LIMCH1: variants seen among roughly 807,000 people sequenced by gnomAD.
LIMCH1 encodes the protein LIM and calponin homology domains-containing protein 1.
A neutral mutation model predicts 176.5 loss-of-function variants in LIMCH1; 113 were observed. The observed-to-expected ratio is 0.64, with a 90% CI of 0.55 to 0.75. The LOEUF (loss-of-function observed/expected upper bound fraction) is 0.75, where lower values mean the gene tolerates loss of function less well. Ranked by LOEUF, LIMCH1 falls within the 30% of genes least tolerant of loss-of-function variation. The pLI is 0.00. For synonymous variants in LIMCH1, 619 were observed against 645.9 expected, an observed-to-expected ratio of 0.96 and a Z score of 0.63; for missense variants, 1,674 against 1,814.9, an observed-to-expected ratio of 0.92 and a Z score of 1.41.
At chr4:41,598,114 A>G (rs1474215367) in intron 1 of LIMCH1, among the ~76,000 whole-genome samples, 1 of 152,192 alleles carries the variant, frequency 6.6e-6, no homozygotes, top group African/African-American at 2.4e-5. Context: ...TAGGAAGAGA[A>G]CAGTTAGAGA....
At chr4:41,362,423 A>G (rs189078804) in intron 1 of LIMCH1, among the ~76,000 whole-genome samples, 9 of 152,284 alleles carry the variant, frequency 5.9e-5, no homozygotes, top group Admixed American at 5.9e-4. Context: ...CCCAGGATAC[A>G]CAGGAAGCAT....
chr4:41,581,329 C>T (rs2085393801), intron 1 of LIMCH1, among the ~76,000 whole-genome samples: 1 of 152,146 alleles, frequency 6.6e-6, no homozygotes, highest in African/African-American at 2.4e-5. Context: ...GATCTACTCT[C>T]CTAGCAAATT....
intron 2 of LIMCH1, among the ~76,000 whole-genome samples, chr4:41,509,037 A>G (rs1312079067): frequency 2.6e-5 from 4 of 152,206 alleles, no homozygotes; most frequent in Admixed American, 6.5e-5. Flanking sequence ...GTATGACCCA[A>G]TGGCTGATTA....
Position 41,697,589 on chromosome 4 carries a change from A to T in LIMCH1, c.*404A>T. 5.7e-6 allele frequency: 1 copy of T among 175,634 alleles called. No individual in the cohort carries two copies. The allele number at this position is 175,634 out of a possible 1,614,324, so 10.9% of individuals were successfully genotyped here. A position where few individuals can be genotyped will look rare whatever the true frequency, so the allele number is the denominator to read the frequency against. On this transcript the variant is annotated 3_prime_UTR_variant, in exon 32 of 32. Coordinates refer to ENST00000503057, the MANE Select transcript of LIMCH1 (RefSeq NM_001330672.2). ...TTATGTTTACAGAATTGAGCTGCAG[A>T]AAGTGCAAGACATGCCAATTTGAGA...
chr4:41,670,696 T>C, intron 21 of LIMCH1: 1 of 1,514,326 alleles, frequency 6.6e-7, no homozygotes. Flanking sequence ...TTCTGTTTGT[T>C]CTGTTCTGCC....
intron 3 of LIMCH1, among the ~76,000 whole-genome samples, chr4:41,531,663 A>T (rs1393364860): frequency 6.6e-6 from 1 of 152,074 alleles, no homozygotes; most frequent in South Asian, 2.1e-4. Flanking sequence ...TCCAGTGCAA[A>T]TCAATCCAGC....
chr4:41,389,026 T>G (rs2056873048), intron 1 of LIMCH1: 1 of 152,246 alleles, frequency 6.6e-6, no homozygotes, highest in African/African-American at 2.4e-5. Context: ...TCTATAGTAC[T>G]TTTGTGTTTT....
rs141473144 is a variant in LIMCH1 at position 41,489,750 on chromosome 4, GA to G, written c.97-4780del. 7.5e-3 allele frequency among the ~76,000 whole-genome samples: 1,144 copies of G among 151,760 alleles called. 23 individuals are homozygous for G. The highest frequency in any genetic ancestry group is 0.026 in the African/African-American group (1,085 of 41,362). On this transcript the variant is annotated intron_variant, in intron 1 of 26. Transcript: ENST00000313860. Reference sequence around the variant, plus strand: ...TCTAGTGAGAGTTACATGGGCACTTGAAAAAATATATATATAGTTGACCCTT... The same window carrying G: ...TCTAGTGAGAGTTACATGGGCACTTGAAAAATATATATATAGTTGACCCTT...
chr4:41,494,075 A>C (rs1487958851), intron 1 of LIMCH1, among the ~76,000 whole-genome samples: 3 of 152,068 alleles, frequency 2.0e-5, no homozygotes, highest in Non-Finnish European at 4.4e-5. Flanking sequence ...TGTGGCCTTG[A>C]CTTATTGTGC....
chr4:41,646,283 G>T lies in LIMCH1; in HGVS notation c.2411+3G>T. 1 of 1,602,280 alleles carries T rather than the reference G, an allele frequency of 6.2e-7. No individual in the cohort carries two copies. The highest frequency in any genetic ancestry group is 1.1e-5 in the South Asian group (1 of 87,728). Reference sequence around the variant, plus strand: ...TACAGAGAAATTGTTCAAGAAAAGTGAGTTCTTTCTGTTGTCGTTTTTAAT... The same window carrying T: ...TACAGAGAAATTGTTCAAGAAAAGTTAGTTCTTTCTGTTGTCGTTTTTAAT... On this transcript the variant is annotated splice_donor_region_variant and intron_variant, in intron 16 of 31. Coordinates refer to ENST00000503057, the MANE Select transcript of LIMCH1 (RefSeq NM_001330672.2).
In LIMCH1 at chr4:41,633,609, A is replaced by ATGT; in HGVS notation, c.1891_1892insTGT (p.Thr631delinsMetSer). On this transcript the variant is annotated protein_altering_variant, in exon 13 of 32. Transcript: ENST00000503057. ...GACAGAAGAGAAGTTGGAGAAGATGACAGCTCCTGCCTGGAGTGGCAGTGG... is the reference window on the plus strand; with the variant it reads ...GACAGAAGAGAAGTTGGAGAAGATGATGTCAGCTCCTGCCTGGAGTGGCAGTGG... 4.6e-6 allele frequency: 7 copies of ATGT among 1,536,116 alleles called. No individual in the cohort carries two copies. Among genetic ancestry groups the ATGT allele is most frequent in the Non-Finnish European group, 6.1e-6 (7 of 1,146,898 alleles).
chr4:41,612,109 C>A (rs901800251), intron 4 of LIMCH1, among the ~76,000 whole-genome samples: 7 of 152,170 alleles, frequency 4.6e-5, no homozygotes, highest in Non-Finnish European at 8.8e-5. Flanking sequence ...TCCTCTCCGT[C>A]CTGCCCTTGT....
chr4:41,539,343 C>A (rs1268062285), intron 1 of LIMCH1, among the ~76,000 whole-genome samples: 3 of 152,196 alleles, frequency 2.0e-5, no homozygotes, highest in African/African-American at 7.2e-5. Context: ...TCCTGTGCTG[C>A]GCGGGTGGGT....
Position 41,620,269 on chromosome 4 carries a change from G to A in LIMCH1, c.459-155G>A, listed in dbSNP as rs1267486664. On this transcript the variant is annotated intron_variant, in intron 6 of 31. Coordinates refer to ENST00000503057, the MANE Select transcript of LIMCH1 (RefSeq NM_001330672.2). ...GATGCATTGTATGAATTAAATGGCT[G>A]CGTTGAATTTTCTTCACATTATCAG... 3.8e-5 allele frequency: 27 copies of A among 718,360 alleles called. 1 individual carries two copies. The highest frequency in any genetic ancestry group is 3.2e-5 in the Admixed American group (1 of 31,192). 44.5% of individuals were successfully genotyped at this position (718,360 alleles called of 1,614,324 possible). A position where few individuals can be genotyped will look rare whatever the true frequency, so the allele number is the denominator to read the frequency against.
intron 1 of LIMCH1, among the ~76,000 whole-genome samples, chr4:41,409,198 T>C (rs1561276592): frequency 6.6e-6 from 1 of 152,202 alleles, no homozygotes. Flanking sequence ...TCATGCCAAA[T>C]TTAAAAAATA....
chr4:41,523,457 T>C (rs1343442556), intron 2 of LIMCH1, among the ~76,000 whole-genome samples: 2 of 152,226 alleles, frequency 1.3e-5, no homozygotes, highest in Non-Finnish European at 2.9e-5. Flanking sequence ...TCATGGATTG[T>C]AGTTTGTTGA....
chr4:41,541,901 T>C (rs1291889031), intron 1 of LIMCH1, among the ~76,000 whole-genome samples: 1 of 152,180 alleles, frequency 6.6e-6, no homozygotes, highest in African/African-American at 2.4e-5. Context: ...GCCCTTTCCC[T>C]GCAAATACCA....
At chr4:41,567,728 T>C (rs2082958794) in intron 1 of LIMCH1, among the ~76,000 whole-genome samples, 2 of 152,244 alleles carry the variant, frequency 1.3e-5, no homozygotes, top group South Asian at 4.1e-4. Flanking sequence ...CCAGGTCTTT[T>C]TGTGTTTATC....
At chr4:41,397,559 T>A (rs1001838086) in intron 1 of LIMCH1, among the ~76,000 whole-genome samples, 15 of 152,216 alleles carry the variant, frequency 9.9e-5, no homozygotes, top group African/African-American at 3.6e-4. Context: ...GACATTAAGT[T>A]GCCCTTGTTA....
Sources: gnomAD v4.1 joint callset for allele counts (sites outside exome capture counted in the v4.1 genomes callset) on GRCh38, gnomAD v4.1.1 for gene constraint, MANE v1.5 for transcripts, NCBI Gene and HGNC (gene_info 2026-07-23, HGNC 2026-07-21) for gene names.